Variants in ANKH observed in about 807,000 individuals in gnomAD.
The protein encoded by ANKH is mineralization regulator ANKH.
A neutral mutation model predicts 49.0 loss-of-function variants in ANKH; 15 were observed. That is an observed-to-expected ratio of 0.31 (90% CI 0.20 to 0.47). The LOEUF (loss-of-function observed/expected upper bound fraction) is 0.47, where lower values mean the gene tolerates loss of function less well. ANKH is among the 20% of genes least tolerant of loss of function. The probability of loss-of-function intolerance (pLI) is 1.00; values close to 1 mark genes in which losing one functional copy is unlikely to be tolerated. For missense variants in ANKH, 429 were observed against 652.0 expected, an observed-to-expected ratio of 0.66 and a Z score of 3.72; for synonymous variants, 273 against 260.0, an observed-to-expected ratio of 1.05 and a Z score of -0.48.
At chr5:14,798,262 C>T (rs573692059) in intron 1 of ANKH, 69 of 1,604,802 alleles carry the variant, frequency 4.3e-5, no homozygotes, top group Non-Finnish European at 5.5e-5. Context: ...AGCCACTGGG[C>T]AGTTAGGCTG....
chr5:14,844,393 G>C (rs1741898842), intron 1 of ANKH, among the ~76,000 whole-genome samples: 1 of 152,114 alleles, frequency 6.6e-6, no homozygotes. Context: ...CAAATTTCTT[G>C]GCTACTGGCT....
intron 1 of ANKH, among the ~76,000 whole-genome samples, chr5:14,777,667 T>C (rs187807354): frequency 6.6e-6 from 1 of 152,322 alleles, no homozygotes; most frequent in Admixed American, 6.5e-5. Flanking sequence ...TTTATGCTAA[T>C]GCTAGCAACA....
At chr5:14,744,997 G>A (rs1377950773) in intron 7 of ANKH, among the ~76,000 whole-genome samples, 7 of 152,194 alleles carry the variant, frequency 4.6e-5, no homozygotes, top group African/African-American at 1.7e-4. Flanking sequence ...AGAGCTGAGC[G>A]CTGTGGACAC....
chr5:14,734,721 G>A (rs1361045584), intron 8 of ANKH, among the ~76,000 whole-genome samples: 1 of 152,210 alleles, frequency 6.6e-6, no homozygotes, highest in Non-Finnish European at 1.5e-5. Flanking sequence ...TGTCTTCCCT[G>A]TTGCTTTCAA....
rs376446411 is a variant in ANKH at position 14,769,202 on chromosome 5, G to A, written c.97-11C>T. 1.1e-5 allele frequency: 17 copies of A among 1,606,796 alleles called. No homozygotes were observed. Among genetic ancestry groups the A allele is most frequent in the Non-Finnish European group, 1.3e-5 (15 of 1,176,072 alleles). ...GCCCCGGTTCAAGGCCTGGGAAGGGGGAAAAAAACCCACAAGCATTAGAAA... is the reference window on the plus strand; with the variant it reads ...GCCCCGGTTCAAGGCCTGGGAAGGGAGAAAAAAACCCACAAGCATTAGAAA... On this transcript the variant is annotated splice_polypyrimidine_tract_variant and intron_variant, in intron 1 of 11. Transcript: ENST00000284268.
chr5:14,804,164 G>C (rs1740638465), intron 1 of ANKH, among the ~76,000 whole-genome samples: 1 of 152,186 alleles, frequency 6.6e-6, no homozygotes, highest in African/African-American at 2.4e-5. Flanking sequence ...CCAAAGTGCT[G>C]GGATTATAGA....
At chr5:14,714,975 G>A (rs146344481) in intron 9 of ANKH, among the ~76,000 whole-genome samples, 2 of 152,300 alleles carry the variant, frequency 1.3e-5, no homozygotes, top group African/African-American at 2.4e-5. Context: ...AGCTTGGTTC[G>A]CCCTGTGTCT....
At chr5:14,764,721 C>G (rs1739205699) in intron 2 of ANKH, among the ~76,000 whole-genome samples, 2 of 152,180 alleles carry the variant, frequency 1.3e-5, no homozygotes, top group South Asian at 4.1e-4. Flanking sequence ...CTAATTCACC[C>G]TTTATAGAGC....
intron 1 of ANKH, among the ~76,000 whole-genome samples, chr5:14,830,206 G>A (rs1031281427): frequency 1.3e-5 from 2 of 152,228 alleles, no homozygotes; most frequent in Admixed American, 1.3e-4. Context: ...ACGTCCTTCT[G>A]TGTATTTGAG....
intron 1 of ANKH, among the ~76,000 whole-genome samples, chr5:14,777,293 A>G (rs961945889): frequency 6.6e-6 from 1 of 152,168 alleles, no homozygotes; most frequent in African/African-American, 2.4e-5. Context: ...TCACAAAAAC[A>G]AAAAACAAAC....
chr5:14,734,664 G>T (rs893940352), intron 8 of ANKH, among the ~76,000 whole-genome samples: 2 of 152,194 alleles, frequency 1.3e-5, no homozygotes, highest in Non-Finnish European at 2.9e-5. Context: ...AGGGCTCAGA[G>T]GGGCTGGTGA....
intron 8 of ANKH, among the ~76,000 whole-genome samples, chr5:14,729,839 G>C (rs1737940047): frequency 6.6e-6 from 1 of 152,234 alleles, no homozygotes; most frequent in Non-Finnish European, 1.5e-5. Flanking sequence ...GACCCGGACA[G>C]AGTGGATTCT....
intron 1 of ANKH, among the ~76,000 whole-genome samples, chr5:14,793,029 T>TAA (rs1561057820): frequency 5.3e-4 from 41 of 77,916 alleles, no homozygotes; most frequent in Non-Finnish European, 7.8e-4. Context: ...TAAATATATA[T>TAA]ATATAAAAAT....
intron 1 of ANKH, among the ~76,000 whole-genome samples, chr5:14,823,227 G>A (rs1741245980): frequency 6.6e-6 from 1 of 152,114 alleles, no homozygotes; most frequent in African/African-American, 2.4e-5. Flanking sequence ...TAGTCAGAAA[G>A]CCTAATATAT....
rs1737169561 is a variant in ANKH, at chr5:14,711,123, T to C, written c.*74A>G. Reference sequence around the variant, plus strand: ...ACAAAAAAAAGGGAACAAAATACGATGGGAGAGGGAAGAGATGATGCCGAA... The same window carrying C: ...ACAAAAAAAAGGGAACAAAATACGACGGGAGAGGGAAGAGATGATGCCGAA... On this transcript the variant is annotated 3_prime_UTR_variant, in exon 12 of 12. Transcript: ENST00000284268. 2 of 1,252,858 alleles carry C rather than the reference T, an allele frequency of 1.6e-6. No homozygotes were observed. The highest frequency in any genetic ancestry group is 2.3e-6 in the Non-Finnish European group (2 of 851,394). 77.6% of individuals were successfully genotyped at this position (1,252,858 alleles called of 1,614,324 possible). A position where few individuals can be genotyped will look rare whatever the true frequency, so the allele number is the denominator to read the frequency against.
intron 2 of ANKH, 132 bp from the exon 3 acceptor site, chr5:14,758,730 G>A: frequency 5.4e-6 from 4 of 745,180 alleles, no homozygotes; most frequent in Admixed American, 4.2e-5. Context: ...TAAGCAAATA[G>A]AAAAAAATCA....
At chr5:14,794,401 A>G (rs933475094) in intron 1 of ANKH, among the ~76,000 whole-genome samples, 1 of 152,242 alleles carries the variant, frequency 6.6e-6, no homozygotes, top group African/African-American at 2.4e-5. Context: ...AACGTGGGCT[A>G]AAGACAGCTC....
In ANKH at chr5:14,871,547, C is replaced by A; in HGVS notation, c.-100G>T. On this transcript the variant is annotated 5_prime_UTR_variant, in exon 1 of 12. Coordinates refer to ENST00000284268, the MANE Select transcript of ANKH (RefSeq NM_054027.6). ...GGCGACGGGGCGAGCGGGGCGCGGG[C>A]CGACAGAGGCCGCGGGCGGCGGGGC... is the stretch of plus-strand genomic sequence containing the variant. The A allele has an allele frequency of 1.3e-6, 1 of 771,004 alleles. No individual in the cohort carries two copies. The highest frequency in any genetic ancestry group is 3.4e-5 in the South Asian group (1 of 29,348). 47.8% of individuals were successfully genotyped at this position (771,004 alleles called of 1,614,324 possible).
At chr5:14,722,477 C>G (rs1369344175) in intron 8 of ANKH, among the ~76,000 whole-genome samples, 2 of 152,104 alleles carry the variant, frequency 1.3e-5, no homozygotes, top group East Asian at 3.8e-4. Flanking sequence ...AGAGAATATG[C>G]AAGATGATTC....
Sources: gnomAD v4.1 joint callset for allele counts (sites outside exome capture counted in the v4.1 genomes callset) on GRCh38, gnomAD v4.1.1 for gene constraint, MANE v1.5 for transcripts, NCBI Gene and HGNC (gene_info 2026-07-23, HGNC 2026-07-21) for gene names.